The following RAD23B variants were observed in gnomAD, a reference collection of about 807,000 sequenced individuals.
RAD23B encodes RAD23 nucleotide excision repair protein B, also known as lysine-specific demethylase RAD23B.
In RAD23B, 5 loss-of-function variants were observed where a neutral mutation model predicts 49.1. The observed-to-expected ratio is 0.10, with a 90% confidence interval of 0.05 to 0.21. The LOEUF (loss-of-function observed/expected upper bound fraction) is 0.21, where lower values mean the gene tolerates loss of function less well. Among genes scored for constraint, RAD23B ranks in the 10% least tolerant of loss-of-function variants. The pLI is 1.00. For synonymous variants in RAD23B, 184 were observed against 165.4 expected (o/e 1.11, Z -0.86); for missense variants, 356 against 486.7 (o/e 0.73, Z 2.53).
chr9:107,313,239 T>C (rs776250751), intron 5 of RAD23B, among the ~76,000 whole-genome samples: 16 of 152,090 alleles, frequency 1.1e-4, no homozygotes, highest in Non-Finnish European at 1.5e-4. Flanking sequence ...CTTCCTTTCC[T>C]TTTCCTTTCG....
chr9:107,291,487 C>T (rs1000226483), intron 1 of RAD23B, among the ~76,000 whole-genome samples: 3 of 152,134 alleles, frequency 2.0e-5, no homozygotes, highest in Non-Finnish European at 2.9e-5. Flanking sequence ...TAGTGCCTGC[C>T]TCTTCTCACA....
rs527915153 is a variant in RAD23B, at chr9:107,285,293, AGTTT to A, written c.66+1604_66+1607del. On this transcript the variant is annotated intron_variant, in intron 1 of 9. Coordinates refer to ENST00000358015, the MANE Select transcript of RAD23B (RefSeq NM_002874.5). ...AGTTGAAGGGTGAAAGTTAAAATGG[AGTTT>A]GTTTGATGATTTCAGACAAACTACG... 2.4e-3 allele frequency among the ~76,000 whole-genome samples: 373 copies of A among 152,304 alleles called. 1 individual carries two copies. The highest frequency in any genetic ancestry group is 2.4e-3 in the Non-Finnish European group (166 of 68,016).
intron 8 of RAD23B, 64 bp from the exon 9 acceptor site, chr9:107,324,770 T>C (rs1827172265): frequency 7.0e-7 from 1 of 1,419,500 alleles, no homozygotes; most frequent in Non-Finnish European, 9.5e-7. Context: ...ATTTAGAATT[T>C]CTCTGTTCCT....
chr9:107,311,261 A>T (rs1050730012), intron 4 of RAD23B, among the ~76,000 whole-genome samples: 1 of 152,182 alleles, frequency 6.6e-6, no homozygotes, highest in Admixed American at 6.5e-5. Flanking sequence ...TAAAGACTTT[A>T]TAGCCTAATT....
rs1441894586 is a variant in RAD23B, at chr9:107,330,726, T to C, written c.*1070T>C. Reference sequence around the variant, plus strand: ...TACCATTAAAGTCATTAGTATAATATTGCTTTCAAAAAGAAATGGTAGACA... The same window carrying C: ...TACCATTAAAGTCATTAGTATAATACTGCTTTCAAAAAGAAATGGTAGACA... On this transcript the variant is annotated 3_prime_UTR_variant, in exon 10 of 10. Coordinates refer to ENST00000358015, the MANE Select transcript of RAD23B (RefSeq NM_002874.5). The surrounding 1 kb of genome is among the most constrained non-coding windows in gnomAD (Gnocchi z 4.4). 3 of 152,670 alleles carry C rather than the reference T, an allele frequency of 2.0e-5. No individual in the cohort carries two copies. Among genetic ancestry groups the C allele is most frequent in the Non-Finnish European group, 4.4e-5 (3 of 68,046 alleles). The allele number at this position is 152,670 out of a possible 1,614,324, so 9.5% of individuals were successfully genotyped here.
chr9:107,283,798 G>A (rs1276287943), intron 1 of RAD23B, 103 bp downstream of exon 1: 2 of 1,124,532 alleles, frequency 1.8e-6, no homozygotes, highest in South Asian at 3.1e-5. Flanking sequence ...AAGCCCCGGA[G>A]GGCGCGATGA....
At chr9:107,311,484 A>C (rs1237653280) in intron 4 of RAD23B, among the ~76,000 whole-genome samples, 198 bp from the exon 5 acceptor site, 1 of 152,178 alleles carries the variant, frequency 6.6e-6, no homozygotes, top group Non-Finnish European at 1.5e-5. Context: ...ACCAAGATTG[A>C]AAATTTTTCC....
At chr9:107,322,222 C>A in intron 7 of RAD23B, 104 bp downstream of exon 7, 1 of 1,323,108 alleles carries the variant, frequency 7.6e-7, no homozygotes, top group South Asian at 1.7e-5. Flanking sequence ...CCAGAGCAGT[C>A]GAATAATTCG....
intron 1 of RAD23B, among the ~76,000 whole-genome samples, chr9:107,298,081 A>G (rs1331228458): frequency 6.6e-6 from 1 of 152,170 alleles, no homozygotes; most frequent in Non-Finnish European, 1.5e-5. Context: ...TTCCTAAATA[A>G]TCACACTTGC....
chr9:107,295,710 A>G (rs566690692), intron 1 of RAD23B, among the ~76,000 whole-genome samples: 13 of 152,188 alleles, frequency 8.5e-5, no homozygotes, highest in African/African-American at 3.1e-4. Context: ...CTCCACTAGC[A>G]TTTAGAAAAC....
chr9:107,297,885 A>G (rs755765866), intron 1 of RAD23B, among the ~76,000 whole-genome samples: 1 of 151,930 alleles, frequency 6.6e-6, no homozygotes, highest in Non-Finnish European at 1.5e-5. Flanking sequence ...ATATTCCTGC[A>G]TGTTTATTTT....
intron 2 of RAD23B, among the ~76,000 whole-genome samples, chr9:107,301,169 C>G (rs1160914216): frequency 6.6e-6 from 1 of 152,176 alleles, no homozygotes; most frequent in Non-Finnish European, 1.5e-5. Flanking sequence ...TTGTGTACTT[C>G]GTGCATTTCT....
Position 107,302,655 on chromosome 9 carries a change from G to GT in RAD23B, c.228+545dup, listed in dbSNP as rs1378691835. 6.9e-4 allele frequency among the ~76,000 whole-genome samples: 71 copies of GT among 102,478 alleles called. No homozygotes were observed. The South Asian group carries it at 0.014, about 20-fold the overall frequency. 67.2% of individuals were successfully genotyped at this position (102,478 alleles called of 152,430 possible). A position where few individuals can be genotyped will look rare whatever the true frequency, so the allele number is the denominator to read the frequency against. On this transcript the variant is annotated intron_variant, in intron 3 of 9. Transcript: ENST00000358015. ...TTATGAGGAAGTTTTTTTTGTTTTT[G>GT]TTTTGTTTTTTTTTTTTTGAGACGG...
In RAD23B at chr9:107,322,054, G is replaced by A. The variant is rs1248562428; in HGVS notation, c.753G>A (p.Gln251=). 1.9e-6 allele frequency: 3 copies of A among 1,613,380 alleles called. No individual in the cohort carries two copies. The South Asian group carries it at 3.3e-5, about 18-fold the overall frequency. ...AAGCAGCTAGTACTGGGGCTCCTCA[G>A]TCTTCAGCAGTGGCTGCAGCTGCAG... ...PPQAASTGAP[Q]SSAVAAAAAT... is the part of the protein sequence containing the mutation. Residue 251 remains glutamine (Q), a synonymous_variant, in exon 7 of 10, where the codon CAG becomes CAA. Transcript: ENST00000358015.
chr9:107,323,144 A>G (rs776085805), intron 7 of RAD23B, among the ~76,000 whole-genome samples: 42 of 152,252 alleles, frequency 2.8e-4, no homozygotes, highest in Non-Finnish European at 5.0e-4. Flanking sequence ...TAGCATAACC[A>G]GACAAGTACC....
intron 9 of RAD23B, among the ~76,000 whole-genome samples, chr9:107,326,484 A>C (rs1271618874): frequency 6.7e-6 from 1 of 150,224 alleles, no homozygotes; most frequent in Non-Finnish European, 1.5e-5. Context: ...CTGTCTCAAA[A>C]AAAAAAAAAA....
At chr9:107,321,391 G>T (rs1331659936) in intron 6 of RAD23B, among the ~76,000 whole-genome samples, 2 of 152,150 alleles carry the variant, frequency 1.3e-5, no homozygotes, top group South Asian at 2.1e-4. Context: ...CCATGGATCA[G>T]TAGGGGAGAT....
chr9:107,322,124 G>C lies in RAD23B; in HGVS notation c.817+6G>C. 1.9e-6 allele frequency: 3 copies of C among 1,593,538 alleles called. No homozygotes were observed. The highest frequency in any genetic ancestry group is 2.6e-6 in the Non-Finnish European group (3 of 1,170,100). ...TACAACAACAAGTTCTGGAGGTAAA[G>C]CGGAATCTTCTGGATGGGGAGGGAA... is the stretch of plus-strand genomic sequence containing the variant. On this transcript the variant is annotated splice_donor_region_variant and intron_variant, in intron 7 of 9. Coordinates refer to ENST00000358015, the MANE Select transcript of RAD23B (RefSeq NM_002874.5).
rs74477035 is a variant in RAD23B at position 107,301,536 on chromosome 9, G to A, written c.149-499G>A. Among the ~76,000 whole-genome samples, 1,396 of 152,110 alleles carry A rather than the reference G, an allele frequency of 9.2e-3. 25 individuals carry two copies. The highest frequency in any genetic ancestry group is 0.032 in the African/African-American group (1,317 of 41,486). On this transcript the variant is annotated intron_variant, in intron 2 of 9. Transcript: ENST00000358015. ...TGACATCTTTTAGTCAAATGCTTAT[G>A]CTTTTTAGTTTTATTTGTTTGAGAG...
Sources: gnomAD v4.1 joint callset for allele counts (sites outside exome capture counted in the v4.1 genomes callset) on GRCh38, gnomAD v4.1.1 for gene constraint, Gnocchi (gnomAD v3.1) non-coding constraint, MANE v1.5 for transcripts, NCBI Gene and HGNC (gene_info 2026-07-23, HGNC 2026-07-21) for gene names.